The following GULP1 variants were observed in gnomAD, a reference collection of about 807,000 sequenced individuals.
GULP1 encodes the protein GULP PTB domain containing engulfment adaptor 1, also known as PTB domain-containing engulfment adapter protein 1.
GULP1 carries 19 observed loss-of-function variants against 40.9 expected under a neutral mutation model. That is an observed-to-expected ratio of 0.46 (90% CI 0.32 to 0.68). The LOEUF (loss-of-function observed/expected upper bound fraction) is 0.68, where lower values mean the gene tolerates loss of function less well. Ranked by LOEUF, GULP1 falls within the 30% of genes least tolerant of loss-of-function variation. The pLI is 0.03. For synonymous variants in GULP1, 119 were observed against 117.6 expected (o/e 1.01, Z -0.08); for missense variants, 312 against 362.2 (o/e 0.86, Z 1.12).
intron 2 of GULP1, among the ~76,000 whole-genome samples, chr2:188,406,592 G>A (rs2053141608): frequency 6.6e-6 from 1 of 151,846 alleles, no homozygotes; most frequent in African/African-American, 2.4e-5. Flanking sequence ...GCAATAGAGA[G>A]TGTCAGCAGC....
intron 9 of GULP1, among the ~76,000 whole-genome samples, chr2:188,583,412 C>A (rs1026708161): frequency 1.3e-5 from 2 of 152,114 alleles, no homozygotes; most frequent in Admixed American, 1.3e-4. Context: ...AATTTTTCGC[C>A]ACTATTCCCC....
At chr2:188,590,636 T>C (rs1260933882) in intron 11 of GULP1, 1 of 152,218 alleles carries the variant, frequency 6.6e-6, no homozygotes, top group East Asian at 1.9e-4. Flanking sequence ...TATAAGCAGT[T>C]AGAAAATTAA....
chr2:188,457,328 T>C (rs1321217564), intron 2 of GULP1, among the ~76,000 whole-genome samples: 1 of 152,104 alleles, frequency 6.6e-6, no homozygotes, highest in Non-Finnish European at 1.5e-5. Flanking sequence ...AATTCCCACA[T>C]GTTGTGGGAA....
chr2:188,522,041 A>T (rs373222634), intron 4 of GULP1, among the ~76,000 whole-genome samples: 2 of 152,208 alleles, frequency 1.3e-5, no homozygotes, highest in South Asian at 2.1e-4. Context: ...GCGCCACTGC[A>T]CTCTGGCCTG....
chr2:188,399,137 G>A (rs2051723859), intron 2 of GULP1, among the ~76,000 whole-genome samples: 1 of 152,124 alleles, frequency 6.6e-6, no homozygotes, highest in African/African-American at 2.4e-5. Context: ...AACTAGTTCT[G>A]TCTGTTTAAA....
At chr2:188,390,538 C>T (rs1227272152) in intron 2 of GULP1, among the ~76,000 whole-genome samples, 1 of 151,982 alleles carries the variant, frequency 6.6e-6, no homozygotes, top group East Asian at 1.9e-4. Context: ...GCATAGTTTG[C>T]AAATATTTTC....
rs551544204 is a variant in GULP1, at chr2:188,323,820, T to A, written c.-172+31654T>A. On this transcript the variant is annotated intron_variant, in intron 1 of 11. Coordinates refer to ENST00000409830, the MANE Select transcript of GULP1 (RefSeq NM_016315.4). ...TATTATAGCTGTGGTCACTTATGAA[T>A]CCTAAGGCCAATTTCAAATTTTTAA... Among the ~76,000 whole-genome samples, 3 of 152,030 alleles carry A rather than the reference T, an allele frequency of 2.0e-5. No homozygotes were observed. The East Asian group carries it at 5.8e-4, about 29-fold the overall frequency.
At chr2:188,303,131 T>C (rs2036441803) in intron 1 of GULP1, among the ~76,000 whole-genome samples, 1 of 152,180 alleles carries the variant, frequency 6.6e-6, no homozygotes, top group African/African-American at 2.4e-5. Flanking sequence ...TTAATCTTTT[T>C]CTGCCACCAA....
chr2:188,414,098 T>C (rs750699314), intron 2 of GULP1, among the ~76,000 whole-genome samples: 1 of 151,108 alleles, frequency 6.6e-6, no homozygotes, highest in Non-Finnish European at 1.5e-5. Flanking sequence ...GTGCCTGTAA[T>C]CCCAGCTACT....
chr2:188,405,743 C>T (rs978434181), intron 2 of GULP1, among the ~76,000 whole-genome samples: 12 of 152,218 alleles, frequency 7.9e-5, no homozygotes, highest in Non-Finnish European at 1.6e-4. Context: ...AGGACCCCAG[C>T]AGCAAGCCTG....
intron 2 of GULP1, among the ~76,000 whole-genome samples, chr2:188,433,993 C>T (rs749811746): frequency 1.3e-5 from 2 of 151,648 alleles, no homozygotes; most frequent in Non-Finnish European, 2.9e-5. Context: ...ATATTCCCCC[C>T]ACTTTTTTTT....
chr2:188,367,349 G>GT (rs374695376), intron 1 of GULP1, among the ~76,000 whole-genome samples: 3 of 152,176 alleles, frequency 2.0e-5, no homozygotes, highest in Non-Finnish European at 4.4e-5. Context: ...TTGCGTTCTA[G>GT]TGAGTAAATA....
At chr2:188,321,829 C>T (rs1163738107) in intron 1 of GULP1, among the ~76,000 whole-genome samples, 1 of 151,906 alleles carries the variant, frequency 6.6e-6, no homozygotes, top group Non-Finnish European at 1.5e-5. Flanking sequence ...CCAGCCTGAC[C>T]AACATGGTGA....
At chr2:188,449,631 A>G (rs2058676254) in intron 2 of GULP1, among the ~76,000 whole-genome samples, 1 of 152,230 alleles carries the variant, frequency 6.6e-6, no homozygotes, top group Admixed American at 6.5e-5. Context: ...TAAAAATTAA[A>G]ATAGGCATTT....
In GULP1 at chr2:188,338,325, C is replaced by A. The variant is rs1398101734; in HGVS notation, c.-171-45438C>A. ...TCAGAGTCTCACTCTGTCTCCCAGG[C>A]TGGAGTGCTGTGGTGAGACCAGAGC... On this transcript the variant is annotated intron_variant, in intron 1 of 11. Coordinates refer to ENST00000409830, the MANE Select transcript of GULP1 (RefSeq NM_016315.4). 2.0e-5 allele frequency among the ~76,000 whole-genome samples: 3 copies of A among 149,814 alleles called. No homozygotes were observed. The South Asian group carries it at 6.3e-4, about 32-fold the overall frequency.
At chr2:188,468,895 A>G (rs1373940739) in intron 2 of GULP1, among the ~76,000 whole-genome samples, 2 of 152,182 alleles carry the variant, frequency 1.3e-5, no homozygotes, top group African/African-American at 4.8e-5. Flanking sequence ...TCAAAGGGTA[A>G]GCAGTGAAGT....
chr2:188,559,979 G>A lies in GULP1; in HGVS notation c.400-9260G>A, dbSNP rs559676563. Among the ~76,000 whole-genome samples the A allele has an allele frequency of 1.9e-4, 29 of 152,138 alleles. No homozygotes were observed. In the South Asian group the frequency reaches 2.5e-3, roughly 13 times the overall value. ...TAAGAAGTGCCTTTTGCTTCCTGCC[G>A]TGATTCTGAGGCCTCCCCAGCCATG... On this transcript the variant is annotated intron_variant, in intron 7 of 11. Coordinates refer to ENST00000409830, the MANE Select transcript of GULP1 (RefSeq NM_016315.4).
chr2:188,583,619 C>G (rs761355013), intron 9 of GULP1, among the ~76,000 whole-genome samples: 2 of 152,090 alleles, frequency 1.3e-5, no homozygotes, highest in African/African-American at 2.4e-5. Context: ...TATCAGAAAA[C>G]TCAATGATTT....
chr2:188,505,516 G>T (rs1195080490), intron 4 of GULP1, among the ~76,000 whole-genome samples: 1 of 151,662 alleles, frequency 6.6e-6, no homozygotes, highest in Non-Finnish European at 1.5e-5. Context: ...ATATACAACA[G>T]CATATTCTAA....
Sources: allele counts gnomAD v4.1 joint callset (sites outside exome capture counted in the v4.1 genomes callset), GRCh38; gene constraint gnomAD v4.1.1; transcripts MANE v1.5; gene names NCBI Gene and HGNC (gene_info 2026-07-23, HGNC 2026-07-21).